EIF2B3: variants seen among roughly 807,000 people sequenced by gnomAD.
EIF2B3 encodes translation initiation factor eIF2B subunit gamma.
A neutral mutation model predicts 54.1 loss-of-function variants in EIF2B3; 20 were observed. The observed-to-expected ratio is 0.37, with a 90% CI of 0.26 to 0.54. The LOEUF (loss-of-function observed/expected upper bound fraction) is 0.54, where lower values mean the gene tolerates loss of function less well. EIF2B3 is among the 20% of genes least tolerant of loss of function. The pLI is 0.86. For missense variants in EIF2B3, 448 were observed against 547.8 expected (o/e 0.82, Z 1.82); for synonymous variants, 153 against 188.1 (o/e 0.81, Z 1.52).
rs1310369038 is a variant in EIF2B3 at position 44,978,446 on chromosome 1, T to A, written c.163A>T (p.Thr55Ser). Residue 55 changes from threonine to serine, a missense_variant, in exon 3 of 12, where the codon ACA (threonine) becomes TCA (serine). Coordinates refer to ENST00000360403, the MANE Select transcript of EIF2B3 (RefSeq NM_020365.5). ...RVGFEEVIVV[T>S]TRDVQKALCA... ...AGAGCCTTTTGAACATCCCTGGTTG[T>A]AACCACAATGACTTCTATAGGACAA... 1 of 1,613,298 alleles carries A rather than the reference T, an allele frequency of 6.2e-7. No individual in the cohort carries two copies. The highest frequency in any genetic ancestry group is 1.3e-5 in the African/African-American group (1 of 74,818).
At chr1:44,964,597 T>C (rs939798225) in intron 3 of EIF2B3, among the ~76,000 whole-genome samples, 2 of 152,224 alleles carry the variant, frequency 1.3e-5, no homozygotes, top group African/African-American at 2.4e-5. Context: ...TGTTGTAACA[T>C]GTTAGCTGTT....
chr1:44,947,529 A>G (rs1226716151), intron 3 of EIF2B3, among the ~76,000 whole-genome samples: 1 of 152,026 alleles, frequency 6.6e-6, no homozygotes, highest in Non-Finnish European at 1.5e-5. Flanking sequence ...AGGTGAGGAG[A>G]GCTACTGGGA....
intron 5 of EIF2B3, among the ~76,000 whole-genome samples, chr1:44,911,782 G>A (rs971234802): frequency 1.3e-5 from 2 of 151,782 alleles, no homozygotes; most frequent in African/African-American, 4.8e-5. Context: ...ATGTATACAT[G>A]TGCCATGCTG....
intron 10 of EIF2B3, among the ~76,000 whole-genome samples, chr1:44,865,805 T>G (rs1654759498): frequency 1.3e-5 from 2 of 152,034 alleles, no homozygotes; most frequent in Non-Finnish European, 2.9e-5. Flanking sequence ...CTGACTCAGG[T>G]GATCTACCCG....
intron 3 of EIF2B3, among the ~76,000 whole-genome samples, chr1:44,974,048 C>T (rs1280724719): frequency 6.6e-6 from 1 of 152,032 alleles, no homozygotes; most frequent in Non-Finnish European, 1.5e-5. Context: ...TTGGAAGCCC[C>T]CACTCTAATC....
chr1:44,971,188 C>T (rs1223065698), intron 3 of EIF2B3, among the ~76,000 whole-genome samples: 1 of 152,094 alleles, frequency 6.6e-6, no homozygotes, highest in African/African-American at 2.4e-5. Flanking sequence ...CGAGACCATC[C>T]TGGCCAACAT....
In EIF2B3 at chr1:44,859,124, C is replaced by G. The variant is rs184122454; in HGVS notation, c.1203-1317G>C. ...GACCAGCTTGGGCAGCATTGTGAGA[C>G]TCTTTATCTCTACACAAAATAAAAA... On this transcript the variant is annotated intron_variant, in intron 10 of 11. Transcript: ENST00000360403. Among the ~76,000 whole-genome samples the G allele has an allele frequency of 7.3e-4, 110 of 150,932 alleles. 1 individual carries two copies. The highest frequency in any genetic ancestry group is 7.1e-3 in the Admixed American group (108 of 15,246).
intron 11 of EIF2B3, among the ~76,000 whole-genome samples, chr1:44,852,779 CAAA>C (rs35073051): frequency 6.3e-5 from 7 of 111,922 alleles, no homozygotes; most frequent in Admixed American, 9.0e-5. Flanking sequence ...AACTCTGTCT[CAAA>C]AAAAAAAAAA....
At chr1:44,956,185 T>TA (rs1644222811) in intron 3 of EIF2B3, among the ~76,000 whole-genome samples, 2 of 152,042 alleles carry the variant, frequency 1.3e-5, no homozygotes, top group African/African-American at 4.8e-5. Context: ...TATGCAGCCA[T>TA]AAAAAAGGAT....
At chr1:44,856,792 A>G (rs1654446538) in intron 11 of EIF2B3, among the ~76,000 whole-genome samples, 1 of 152,032 alleles carries the variant, frequency 6.6e-6, no homozygotes, top group Admixed American at 6.6e-5. Context: ...ACCAAAAGCA[A>G]TCAGTCATTT....
chr1:44,887,797 C>T (rs563026396), intron 6 of EIF2B3, among the ~76,000 whole-genome samples: 4 of 151,970 alleles, frequency 2.6e-5, no homozygotes, highest in South Asian at 2.1e-4. Context: ...CCTGGCTACT[C>T]GGGGGGCTGA....
At chr1:44,911,090 G>A (rs181169595) in intron 5 of EIF2B3, among the ~76,000 whole-genome samples, 1 of 152,264 alleles carries the variant, frequency 6.6e-6, no homozygotes, top group Admixed American at 6.5e-5. Flanking sequence ...TGGAAATTCA[G>A]CGTTTTAAAA....
chr1:44,858,650 A>G (rs1382913900), intron 10 of EIF2B3, among the ~76,000 whole-genome samples: 2 of 152,050 alleles, frequency 1.3e-5, no homozygotes, highest in Non-Finnish European at 2.9e-5. Flanking sequence ...TTTTTAGTAC[A>G]GATAGGGTTT....
chr1:44,902,898 CT>C (rs1253266908), intron 5 of EIF2B3, among the ~76,000 whole-genome samples: 1 of 139,628 alleles, frequency 7.2e-6, no homozygotes, highest in Middle Eastern at 3.8e-3. Context: ...GGGCAGATTA[CT>C]TTTAAATTTC....
chr1:44,897,383 A>G lies in EIF2B3; in HGVS notation c.628T>C (p.Tyr210His), dbSNP rs1427372133. ...VDAHLYCLKKYIVDFLMENGS... is the reference protein window; with the variant it reads ...VDAHLYCLKKHIVDFLMENGS... ...TTTTCCATTAGGAAATCCACGATGT[A>G]TTTTTTCAAACAGTAGAGGTGGGCA... The change falls in exon 6 of 12, where the codon TAC becomes CAC. Residue 210 changes from tyrosine to histidine, a missense_variant. By Grantham distance (83) the Tyr-to-His change is moderately conservative (BLOSUM62 2). Transcript: ENST00000360403. The G allele has an allele frequency of 1.9e-6, 3 of 1,613,732 alleles. No homozygotes were observed. The highest frequency in any genetic ancestry group is 1.1e-5 in the South Asian group (1 of 91,054).
rs905204066 is a variant in EIF2B3, at chr1:44,941,512, T to G, written c.448A>C (p.Lys150Gln). ...EPVPGQKGKKKAVEQRDFIGV... is the reference protein window; with the variant it reads ...EPVPGQKGKKQAVEQRDFIGV... ...AAACTCCAATCTTCCTTACCTGCTT[T>G]TTTTTTCCCCTTTTGACCGGGAACA... is the stretch of plus-strand genomic sequence containing the variant. Residue 150 changes from lysine (K) to glutamine (Q), a missense_variant, in exon 4 of 12, where the codon AAA becomes CAA. Physicochemically the swap from Lys to Gln is moderately conservative, Grantham distance 53. Coordinates refer to ENST00000360403, the MANE Select transcript of EIF2B3 (RefSeq NM_020365.5). 2 of 1,604,956 alleles carry G rather than the reference T, an allele frequency of 1.2e-6. No individual in the cohort carries two copies. The highest frequency in any genetic ancestry group is 1.3e-5 in the African/African-American group (1 of 74,608).
intron 6 of EIF2B3, among the ~76,000 whole-genome samples, chr1:44,882,816 T>C (rs961542089): frequency 6.6e-6 from 1 of 151,720 alleles, no homozygotes; most frequent in African/African-American, 2.4e-5. Flanking sequence ...GGTTTTGCCA[T>C]GTTGGCCAAG....
chr1:44,894,877 C>T (rs1334718389), intron 6 of EIF2B3, among the ~76,000 whole-genome samples: 1 of 152,104 alleles, frequency 6.6e-6, no homozygotes, highest in African/African-American at 2.4e-5. Flanking sequence ...AGATCTGTAA[C>T]TCCCTGCTCA....
intron 10 of EIF2B3, among the ~76,000 whole-genome samples, chr1:44,866,119 C>G (rs1030684728): frequency 2.6e-5 from 4 of 151,962 alleles, no homozygotes; most frequent in Admixed American, 2.6e-4. Context: ...TATATTTAGC[C>G]AGGCATGGTG....
Sources: gnomAD v4.1 joint callset for allele counts (sites outside exome capture counted in the v4.1 genomes callset) on GRCh38, gnomAD v4.1.1 for gene constraint, MANE v1.5 for transcripts, NCBI Gene and HGNC (gene_info 2026-07-23, HGNC 2026-07-21) for gene names.